Variants in CYP4A11 observed in about 807,000 individuals in gnomAD.
CYP4A11 encodes the protein cytochrome P450 4A11.
A neutral mutation model predicts 57.7 loss-of-function variants in CYP4A11; 52 were observed. That is an observed-to-expected ratio of 0.90 (90% confidence interval 0.72 to 1.14). CYP4A11 has a LOEUF of 1.14. CYP4A11 is among the 50% of genes most tolerant of loss of function. The pLI, the probability that CYP4A11 is intolerant of heterozygous loss-of-function variation, is 0.00. For missense variants in CYP4A11, 641 were observed against 642.1 expected (o/e 1.00, Z 0.02); for synonymous variants, 228 against 247.1 (o/e 0.92, Z 0.72).
intron 4 of CYP4A11, 41 bp from the exon 5 acceptor site, chr1:46,935,688 A>C (rs746554456): frequency 6.3e-7 from 1 of 1,588,990 alleles, no homozygotes; most frequent in African/African-American, 1.3e-5. Context: ...ATCTCCAAGA[A>C]GTGCTTTGCT....
At chr1:46,940,707 C>A (rs1489168743) in intron 1 of CYP4A11, 15 of 985,332 alleles carry the variant, frequency 1.5e-5, no homozygotes, top group Non-Finnish European at 1.7e-5. Flanking sequence ...CCTATACCAG[C>A]AGATCTCTGC....
Position 46,935,126 on chromosome 1 carries a change from T to TA in CYP4A11, c.663dup (p.Ser222Ter). ...GAAAAAACCAGGTTGTTCAGGTCACTAATGGCCTGTATGTAGGACTGAGAA... is the reference window on the plus strand; with the variant it reads ...GAAAAAACCAGGTTGTTCAGGTCACTAAATGGCCTGTATGTAGGACTGAGAA... On this transcript the variant is annotated frameshift_variant, in exon 6 of 12. Coordinates refer to ENST00000310638, the MANE Select transcript of CYP4A11 (RefSeq NM_000778.4). LOFTEE classifies it high-confidence loss of function. 6.2e-7 allele frequency: 1 copy of TA among 1,614,154 alleles called. No homozygotes were observed. Among genetic ancestry groups the TA allele is most frequent in the South Asian group, 1.1e-5 (1 of 91,074 alleles).
intron 9 of CYP4A11, among the ~76,000 whole-genome samples, 159 bp from the exon 10 acceptor site, chr1:46,933,206 A>T (rs575018824): frequency 2.6e-5 from 4 of 152,220 alleles, no homozygotes; most frequent in Admixed American, 2.6e-4. Context: ...GGTTAGGCTT[A>T]ACAAAGCATG....
chr1:46,931,979 T>A, intron 11 of CYP4A11: 3 of 985,316 alleles, frequency 3.0e-6, no homozygotes, highest in Non-Finnish European at 3.6e-6. Context: ...CGTTATATGA[T>A]AATTATTGGG....
intron 3 of CYP4A11, 39 bp from the exon 4 acceptor site, chr1:46,936,830 TG>T: frequency 6.4e-7 from 1 of 1,568,882 alleles, no homozygotes; most frequent in Non-Finnish European, 8.7e-7. Context: ...TGTGTGTGTG[TG>T]TGTGTGTGTG....
chr1:46,933,188 T>C (rs1681138679), intron 9 of CYP4A11, 141 bp from the exon 10 acceptor site: 1 of 1,247,744 alleles, frequency 8.0e-7, no homozygotes, highest in African/African-American at 1.5e-5. Context: ...TCTGCCATTA[T>C]GCAGGTGGGT....
intron 3 of CYP4A11, among the ~76,000 whole-genome samples, 195 bp downstream of exon 3, chr1:46,937,107 A>G (rs926825829): frequency 1.2e-4 from 18 of 152,198 alleles, no homozygotes; most frequent in African/African-American, 1.7e-4. Flanking sequence ...GACATGAAAT[A>G]GAAGAAGCTG....
intron 6 of CYP4A11, 27 bp downstream of exon 6, chr1:46,934,973 C>T (rs1681285589): frequency 1.9e-6 from 3 of 1,607,574 alleles, no homozygotes; most frequent in Non-Finnish European, 2.6e-6. Flanking sequence ...CTGGGAAAGG[C>T]TGGGAGACAA....
chr1:46,931,487 C>CT (rs1368998447), intron 11 of CYP4A11: 2 of 843,426 alleles, frequency 2.4e-6, no homozygotes, highest in Non-Finnish European at 2.9e-6. Flanking sequence ...CTGCATAGGA[C>CT]TTGACCCAGA....
intron 1 of CYP4A11, among the ~76,000 whole-genome samples, chr1:46,939,250 C>T (rs1270824495): frequency 1.3e-5 from 2 of 152,220 alleles, no homozygotes; most frequent in East Asian, 1.9e-4. Context: ...GGCAGCTTGC[C>T]CTACTGTGGG....
rs539824008 is a variant in CYP4A11, at chr1:46,932,955, T to C, written c.1287+28A>G. ...AAGGTATTGGTCTTGAGGGATCACC[T>C]CATTTCCTCCTCTCAAGGACCACAT... On this transcript the variant is annotated intron_variant, in intron 10 of 11. Coordinates refer to ENST00000310638, the MANE Select transcript of CYP4A11 (RefSeq NM_000778.4). 62 of 1,612,412 alleles carry C rather than the reference T, an allele frequency of 3.8e-5. No homozygotes were observed. The African/African-American group carries it at 6.8e-4, about 18-fold the overall frequency.
intron 11 of CYP4A11, chr1:46,932,075 A>G: frequency 6.1e-6 from 6 of 978,724 alleles, no homozygotes; most frequent in Non-Finnish European, 7.3e-6. Context: ...TATGGTATAA[A>G]GATCTCAAGG....
chr1:46,941,012 C>G (rs1681715818), intron 1 of CYP4A11: 1 of 984,382 alleles, frequency 1.0e-6, no homozygotes. Flanking sequence ...TTGATATCTG[C>G]AGAAGGAGGG....
At chr1:46,935,978 T>C (rs996416915) in intron 4 of CYP4A11, among the ~76,000 whole-genome samples, 31 of 152,190 alleles carry the variant, frequency 2.0e-4, no homozygotes, top group Admixed American at 4.6e-4. Flanking sequence ...GGATAAATAA[T>C]GGGGGACTCT....
intron 4 of CYP4A11, among the ~76,000 whole-genome samples, chr1:46,935,965 C>G (rs1681364963): frequency 6.6e-6 from 1 of 152,262 alleles, no homozygotes; most frequent in Non-Finnish European, 1.5e-5. Flanking sequence ...TATTGTTGTT[C>G]TGGGATAAAT....
At chr1:46,938,310 G>T (rs1263754715) in intron 1 of CYP4A11, among the ~76,000 whole-genome samples, 173 bp from the exon 2 acceptor site, 1 of 152,186 alleles carries the variant, frequency 6.6e-6, no homozygotes, top group Non-Finnish European at 1.5e-5. Flanking sequence ...CTTGACCTTA[G>T]GCCAAGCGCT....
Position 46,937,355 on chromosome 1 carries a change from C to T in CYP4A11, c.338-9G>A, listed in dbSNP as rs955846393. 6.2e-7 allele frequency: 1 copy of T among 1,613,768 alleles called. No individual in the cohort carries two copies. On this transcript the variant is annotated splice_polypyrimidine_tract_variant and intron_variant, in intron 2 of 11. Transcript: ENST00000310638. ...ACCATGGGATTTCGGGTCTGAAAGG[C>T]AAGAAAGGGCTTTATAGGAAACTAG...
intron 3 of CYP4A11, 44 bp from the exon 4 acceptor site, chr1:46,936,835 G>C (rs1222599190): frequency 6.4e-7 from 1 of 1,569,802 alleles, no homozygotes; most frequent in Non-Finnish European, 8.6e-7. Flanking sequence ...GTGTGTGTGT[G>C]TGTGTGTGTC....
At chr1:46,935,863 T>A (rs547553288) in intron 4 of CYP4A11, among the ~76,000 whole-genome samples, 114 of 152,358 alleles carry the variant, frequency 7.5e-4, no homozygotes, top group African/African-American at 2.7e-3. Context: ...ACACTTTTAA[T>A]ACAACATTCA....
Sources: gnomAD v4.1 joint callset for allele counts (sites outside exome capture counted in the v4.1 genomes callset) on GRCh38, gnomAD v4.1.1 for gene constraint, MANE v1.5 for transcripts, NCBI Gene and HGNC (gene_info 2026-07-23, HGNC 2026-07-21) for gene names.